GALNT17: variants seen among roughly 807,000 people sequenced by gnomAD.
GALNT17 encodes UDP-GalNAc:polypeptide N-acetylgalactosaminyltransferase-like 3.
GALNT17 carries 29 observed loss-of-function variants against 63.7 expected under a neutral mutation model. The ratio of observed to expected loss-of-function variants is 0.46; its 90% CI spans 0.34 to 0.62. The LOEUF (loss-of-function observed/expected upper bound fraction) is 0.62. Among genes scored for constraint, GALNT17 ranks in the 20% least tolerant of loss-of-function variants. The pLI is 0.01. For missense variants in GALNT17, 603 were observed against 799.6 expected, an observed-to-expected ratio of 0.75 and a Z score of 2.97; for synonymous variants, 305 against 318.3, an observed-to-expected ratio of 0.96 and a Z score of 0.45.
chr7:71,676,880 T>C (rs500178), intron 8 of GALNT17, among the ~76,000 whole-genome samples: 145,503 of 152,196 alleles, frequency 0.96, 69,817 homozygotes, highest in Non-Finnish European at 1. Flanking sequence ...GCTTCAAAGC[T>C]GTTTAGAAGT....
chr7:71,690,961 G>T (rs1405079689), intron 9 of GALNT17, among the ~76,000 whole-genome samples: 1 of 152,168 alleles, frequency 6.6e-6, no homozygotes, highest in African/African-American at 2.4e-5. Flanking sequence ...TGACACAAGA[G>T]AATATTTAGA....
chr7:71,337,713 C>G (rs1791934031), intron 2 of GALNT17, among the ~76,000 whole-genome samples: 1 of 151,642 alleles, frequency 6.6e-6, no homozygotes, highest in Admixed American at 6.6e-5. Context: ...ACTAAAAATA[C>G]AAAAATTGGC....
chr7:71,469,047 C>T lies in GALNT17; in HGVS notation c.962+47942C>T, dbSNP rs114779246. ...ATGCGTGCTCTGATGGTAGAGAGCA[C>T]GGTGTTGGGAGAAGGTGGTTGGAGT... On this transcript the variant is annotated intron_variant, in intron 5 of 10. Transcript: ENST00000333538. 6.2e-3 allele frequency among the ~76,000 whole-genome samples: 944 copies of T among 151,922 alleles called. 5 individuals carry two copies. The highest frequency in any genetic ancestry group is 0.019 in the African/African-American group (806 of 41,430).
intron 5 of GALNT17, among the ~76,000 whole-genome samples, chr7:71,440,816 A>G (rs1026942119): frequency 4.6e-5 from 7 of 152,106 alleles, no homozygotes; most frequent in African/African-American, 1.7e-4. Context: ...TTGTTTACCT[A>G]GTCTCTCCAG....
chr7:71,553,520 G>T (rs1264308739), intron 5 of GALNT17, among the ~76,000 whole-genome samples: 4 of 152,060 alleles, frequency 2.6e-5, no homozygotes, highest in Non-Finnish European at 5.9e-5. Flanking sequence ...TTACTTTCCA[G>T]AAAAGTTGTT....
At chr7:71,193,982 C>T (rs1048741830) in intron 1 of GALNT17, among the ~76,000 whole-genome samples, 1 of 152,188 alleles carries the variant, frequency 6.6e-6, no homozygotes, top group Non-Finnish European at 1.5e-5. Flanking sequence ...CTTGTATTCA[C>T]TGTCTTATCC....
intron 5 of GALNT17, among the ~76,000 whole-genome samples, chr7:71,504,020 A>G (rs1788225189): frequency 6.6e-6 from 1 of 152,074 alleles, no homozygotes; most frequent in Non-Finnish European, 1.5e-5. Flanking sequence ...TGAGGTTAGG[A>G]GATTGAGCCC....
intron 5 of GALNT17, among the ~76,000 whole-genome samples, chr7:71,432,297 C>G (rs1055175951): frequency 6.6e-6 from 1 of 152,126 alleles, no homozygotes; most frequent in African/African-American, 2.4e-5. Flanking sequence ...TGGCACATAA[C>G]AACTCATTTC....
Position 71,416,075 on chromosome 7 carries a change from G to T in GALNT17, c.764+12G>T. 6.2e-7 allele frequency: 1 copy of T among 1,603,692 alleles called. No homozygotes were observed. Among genetic ancestry groups the T allele is most frequent in the Non-Finnish European group, 8.5e-7 (1 of 1,175,098 alleles). On this transcript the variant is annotated intron_variant, in intron 4 of 10. Coordinates refer to ENST00000333538, the MANE Select transcript of GALNT17 (RefSeq NM_022479.3). ...TTCACCGCTGGCTGGTAGGTCATGA[G>T]CTGAAACTCAGGGGTGCTCAAGACC...
At chr7:71,232,459 C>T (rs3886249) in intron 1 of GALNT17, among the ~76,000 whole-genome samples, 14,004 of 151,824 alleles carry the variant, frequency 0.092, 923 homozygotes, top group East Asian at 0.27. Context: ...GGGGGAGTCA[C>T]AGATATAGGG....
At chr7:71,198,081 C>T (rs1318123831) in intron 1 of GALNT17, among the ~76,000 whole-genome samples, 2 of 151,666 alleles carry the variant, frequency 1.3e-5, no homozygotes, top group African/African-American at 2.4e-5. Context: ...TCCTGTAATC[C>T]CAGCTACTCG....
At chr7:71,143,475 G>A (rs1414954046) in intron 1 of GALNT17, among the ~76,000 whole-genome samples, 6 of 151,526 alleles carry the variant, frequency 4.0e-5, no homozygotes, top group African/African-American at 1.2e-4. Context: ...CCAGAACTAC[G>A]AATCTGCGGG....
chr7:71,616,424 ATTTT>A (rs1020835998), intron 6 of GALNT17, among the ~76,000 whole-genome samples: 1 of 149,462 alleles, frequency 6.7e-6, no homozygotes, highest in African/African-American at 2.4e-5. Flanking sequence ...TCCTGGAAAT[ATTTT>A]TTTATTATTA....
chr7:71,241,773 C>G (rs536647465), intron 1 of GALNT17, among the ~76,000 whole-genome samples: 1 of 152,170 alleles, frequency 6.6e-6, no homozygotes, highest in East Asian at 1.9e-4. Flanking sequence ...CCTGTAGTCC[C>G]AGCAGCTTGG....
At chr7:71,170,834 A>T (rs1281671497) in intron 1 of GALNT17, among the ~76,000 whole-genome samples, 1 of 152,122 alleles carries the variant, frequency 6.6e-6, no homozygotes, top group East Asian at 1.9e-4. Flanking sequence ...ATGATTTCGA[A>T]CTTTGCTTTT....
intron 6 of GALNT17, among the ~76,000 whole-genome samples, chr7:71,636,108 A>G (rs1790525656): frequency 6.6e-6 from 1 of 152,174 alleles, no homozygotes; most frequent in African/African-American, 2.4e-5. Context: ...CTCTGACATA[A>G]TGATCAAGTC....
chr7:71,445,673 A>G (rs1351468930), intron 5 of GALNT17, among the ~76,000 whole-genome samples: 1 of 152,190 alleles, frequency 6.6e-6, no homozygotes, highest in African/African-American at 2.4e-5. Context: ...GAAATCGATT[A>G]AATTCTTATA....
At chr7:71,349,635 C>A (rs1170257193) in intron 2 of GALNT17, among the ~76,000 whole-genome samples, 1 of 149,752 alleles carries the variant, frequency 6.7e-6, no homozygotes, top group Non-Finnish European at 1.5e-5. Flanking sequence ...ATAAATAATT[C>A]AATTGAATAA....
intron 9 of GALNT17, among the ~76,000 whole-genome samples, chr7:71,700,298 A>ACT (rs71089983): frequency 0.14 from 20,463 of 145,994 alleles, 1,589 homozygotes; most frequent in African/African-American, 0.21. Context: ...ACATAGTGAG[A>ACT]CTTTCTCAAA....
Sources: gnomAD v4.1 joint callset for allele counts (sites outside exome capture counted in the v4.1 genomes callset) on GRCh38, gnomAD v4.1.1 for gene constraint, MANE v1.5 for transcripts, NCBI Gene and HGNC (gene_info 2026-07-23, HGNC 2026-07-21) for gene names.